SENP2: variants seen among roughly 807,000 people sequenced by gnomAD.
The protein encoded by SENP2 is SUMO specific peptidase 2.
In SENP2, 16 loss-of-function variants were observed where a neutral mutation model predicts 86.3. The observed-to-expected ratio is 0.19, with a 90% CI of 0.13 to 0.28. The LOEUF is 0.28. Among genes scored for constraint, SENP2 ranks in the 10% least tolerant of loss-of-function variants. The probability of loss-of-function intolerance (pLI) is 1.00; values close to 1 mark genes in which losing one functional copy is unlikely to be tolerated. For missense variants in SENP2, 552 were observed against 703.0 expected, an observed-to-expected ratio of 0.79 and a Z score of 2.43; for synonymous variants, 222 against 238.7, an observed-to-expected ratio of 0.93 and a Z score of 0.64.
chr3:185,599,051 T>C (rs1722262458), intron 4 of SENP2, 27 bp downstream of exon 4: 1 of 1,549,794 alleles, frequency 6.5e-7, no homozygotes, highest in African/African-American at 1.4e-5. Context: ...TATTTCTGTT[T>C]CCCGCTACCT....
rs753871240 is a variant in SENP2, at chr3:185,586,505, G to T, written c.92G>T (p.Arg31Leu). 6.2e-7 allele frequency: 1 copy of T among 1,613,058 alleles called. No homozygotes were observed. Residue 31 changes from arginine (R) to leucine (L), a missense_variant, in exon 1 of 17, where the codon CGC (arginine) becomes CTC (leucine). By Grantham distance (102) the Arg-to-Leu change is moderately radical. Coordinates refer to ENST00000296257, the MANE Select transcript of SENP2 (RefSeq NM_021627.3). This position sits in a 1 kb window ranked among gnomAD's most constrained non-coding sequence, Gnocchi z 4.3. ...PPARALLKRR[R>L]SDSTLFSTVD... ...GCCCGGGCCCTCCTGAAGAGGCGGC[G>T]CTCAGACAGGTGAGACGAGAGGGGG...
intron 2 of SENP2, among the ~76,000 whole-genome samples, chr3:185,591,055 C>T (rs1422427993): frequency 6.7e-6 from 1 of 150,018 alleles, no homozygotes; most frequent in East Asian, 2.1e-4. Flanking sequence ...CAGGCACCCA[C>T]CACCACACCT....
At chr3:185,592,268 G>A (rs1416887937) in intron 2 of SENP2, among the ~76,000 whole-genome samples, 3 of 151,560 alleles carry the variant, frequency 2.0e-5, no homozygotes, top group Non-Finnish European at 4.4e-5. Context: ...TGGATACTGA[G>A]TCTCCATATG....
intron 5 of SENP2, among the ~76,000 whole-genome samples, chr3:185,603,724 G>A (rs1722422723): frequency 6.6e-6 from 1 of 152,188 alleles, no homozygotes; most frequent in Non-Finnish European, 1.5e-5. Flanking sequence ...CAGTTAGTCA[G>A]GGGTGAACTT....
At chr3:185,628,504 G>A (rs942427885) in intron 16 of SENP2, among the ~76,000 whole-genome samples, 16 of 151,542 alleles carry the variant, frequency 1.1e-4, no homozygotes, top group African/African-American at 3.9e-4. Flanking sequence ...CCTCAATAAT[G>A]TGAACTTCTT....
intron 2 of SENP2, among the ~76,000 whole-genome samples, chr3:185,594,569 A>T (rs1375995216): frequency 6.6e-6 from 1 of 152,150 alleles, no homozygotes; most frequent in Non-Finnish European, 1.5e-5. Context: ...AAAAAAAGCA[A>T]AGCAAGGGTA....
intron 16 of SENP2, among the ~76,000 whole-genome samples, chr3:185,627,456 AG>A (rs1712205666): frequency 6.6e-6 from 1 of 152,084 alleles, no homozygotes; most frequent in Non-Finnish European, 1.5e-5. Context: ...TTTGTTGCCC[AG>A]GCTGGAGTGC....
intron 5 of SENP2, among the ~76,000 whole-genome samples, chr3:185,604,990 G>A (rs1213640875): frequency 2.0e-5 from 3 of 150,440 alleles, no homozygotes; most frequent in South Asian, 2.1e-4. Flanking sequence ...TCCTGACCTC[G>A]TGATCCACCC....
intron 16 of SENP2, among the ~76,000 whole-genome samples, chr3:185,626,939 G>A (rs1025575354): frequency 2.6e-5 from 4 of 151,644 alleles, no homozygotes; most frequent in Non-Finnish European, 5.9e-5. Flanking sequence ...TAGCCACGTG[G>A]TGGTGCATGC....
chr3:185,595,490 T>C (rs62291882), intron 2 of SENP2, among the ~76,000 whole-genome samples: 44,336 of 152,120 alleles, frequency 0.29, 6,945 homozygotes, highest in African/African-American at 0.4. Context: ...TACCTGGCCA[T>C]TACTTTTTCC....
chr3:185,616,188 C>T (rs1174610817), intron 11 of SENP2, among the ~76,000 whole-genome samples: 6 of 142,518 alleles, frequency 4.2e-5, no homozygotes, highest in Admixed American at 2.1e-4. Context: ...AGTTTAAAGG[C>T]GAGAATGGGC....
At chr3:185,626,475 C>A in intron 16 of SENP2, 82 bp downstream of exon 16, 1 of 933,898 alleles carries the variant, frequency 1.1e-6, no homozygotes, top group East Asian at 2.5e-5. Flanking sequence ...ACATTCAGCT[C>A]TCAATAGTAG....
At position 185,609,101 on chromosome 3, in the gene SENP2, T is replaced by A. The variant is rs1266788542; in HGVS notation, c.619-146T>A. The A allele has an allele frequency of 5.2e-6, 3 of 575,648 alleles. No homozygotes were observed. In the African/African-American group the frequency reaches 5.6e-5, roughly 11 times the overall value. 35.7% of individuals were successfully genotyped at this position (575,648 alleles called of 1,614,324 possible). A position where few individuals can be genotyped will look rare whatever the true frequency, so the allele number is the denominator to read the frequency against. On this transcript the variant is annotated intron_variant, in intron 6 of 16. Transcript: ENST00000296257. The stretch of plus-strand genomic sequence containing the variant: ...TGATCAAAGGAGGCTAGATTATTTT[T>A]AAAAAATGTATAAAGTTAGTAATTA...
intron 8 of SENP2, 96 bp downstream of exon 8, chr3:185,611,841 G>A (rs2148989769): frequency 6.7e-6 from 6 of 894,816 alleles, no homozygotes; most frequent in Non-Finnish European, 1.0e-5. Context: ...AGTGTAGATG[G>A]TGTACCAAAA....
At chr3:185,601,615 C>T (rs533266377) in intron 5 of SENP2, among the ~76,000 whole-genome samples, 8 of 148,374 alleles carry the variant, frequency 5.4e-5, no homozygotes, top group Admixed American at 3.4e-4. Flanking sequence ...TTTTCCCATA[C>T]ATTCTCTCCT....
At chr3:185,595,786 G>A (rs150017985) in intron 2 of SENP2, among the ~76,000 whole-genome samples, 45 of 151,630 alleles carry the variant, frequency 3.0e-4, no homozygotes, top group Middle Eastern at 3.4e-3. Context: ...GCAAGGAAGG[G>A]TGAGCCTGAG....
At chr3:185,607,217 A>G (rs535463375) in intron 6 of SENP2, among the ~76,000 whole-genome samples, 15 of 151,604 alleles carry the variant, frequency 9.9e-5, no homozygotes, top group Admixed American at 5.9e-4. Flanking sequence ...GTATTCTTCT[A>G]TAGATATTCT....
intron 5 of SENP2, among the ~76,000 whole-genome samples, chr3:185,601,213 T>G (rs1013348922): frequency 2.0e-5 from 3 of 151,852 alleles, no homozygotes; most frequent in African/African-American, 7.3e-5. Context: ...CCCGGCTAAT[T>G]TTTGTATTTT....
chr3:185,596,040 A>G (rs912433405), intron 2 of SENP2, among the ~76,000 whole-genome samples: 2 of 152,050 alleles, frequency 1.3e-5, no homozygotes, highest in African/African-American at 4.8e-5. Flanking sequence ...ATCTTGGTTC[A>G]CTGCAACCTC....
Sources: gnomAD v4.1 joint callset for allele counts (sites outside exome capture counted in the v4.1 genomes callset) on GRCh38, gnomAD v4.1.1 for gene constraint, Gnocchi (gnomAD v3.1) non-coding constraint, MANE v1.5 for transcripts, NCBI Gene and HGNC (gene_info 2026-07-23, HGNC 2026-07-21) for gene names.